Variants in VAV3 observed in about 807,000 individuals in gnomAD.
VAV3 encodes the protein vav guanine nucleotide exchange factor 3.
In VAV3, 94 loss-of-function variants were observed where a neutral mutation model predicts 131.2. The observed-to-expected ratio is 0.72, with a 90% CI of 0.61 to 0.85. VAV3 has a LOEUF of 0.85. Among genes scored for constraint, VAV3 ranks in the 40% least tolerant of loss-of-function variants. The pLI is 0.00. For missense variants in VAV3, 939 were observed against 1,002.7 expected, an observed-to-expected ratio of 0.94 and a Z score of 0.86; for synonymous variants, 349 against 342.0, an observed-to-expected ratio of 1.02 and a Z score of -0.22.
chr1:107,810,463 A>T (rs913117204), intron 2 of VAV3, among the ~76,000 whole-genome samples: 1 of 110,158 alleles, frequency 9.1e-6, no homozygotes, highest in African/African-American at 3.8e-5. Flanking sequence ...TACTCTATTT[A>T]TATCTATAAC....
At chr1:107,634,200 C>T (rs984234626) in intron 20 of VAV3, among the ~76,000 whole-genome samples, 5 of 152,280 alleles carry the variant, frequency 3.3e-5, no homozygotes, top group African/African-American at 1.2e-4. Context: ...CTGGAGGCAT[C>T]ATGCTACCTG....
chr1:107,672,104 C>T (rs932670162), intron 19 of VAV3: 1 of 151,704 alleles, frequency 6.6e-6, no homozygotes, highest in South Asian at 2.1e-4. Flanking sequence ...ACTGCCTCTA[C>T]TAAAAATACA....
intron 21 of VAV3, among the ~76,000 whole-genome samples, chr1:107,612,462 G>A (rs1388424887): frequency 6.6e-6 from 1 of 151,964 alleles, no homozygotes; most frequent in African/African-American, 2.4e-5. Flanking sequence ...TTTCTCTTTT[G>A]AGGTTTTCTG....
At chr1:107,917,620 T>C (rs1189437735) in intron 1 of VAV3, among the ~76,000 whole-genome samples, 1 of 152,132 alleles carries the variant, frequency 6.6e-6, no homozygotes, top group Non-Finnish European at 1.5e-5. Context: ...AAACATGCTA[T>C]GTTTGAAGTT....
At chr1:107,590,802 T>A (rs987658495) in intron 25 of VAV3, among the ~76,000 whole-genome samples, 1 of 152,162 alleles carries the variant, frequency 6.6e-6, no homozygotes, top group Non-Finnish European at 1.5e-5. Context: ...TATCCTTCTC[T>A]GCTGTCACTA....
rs138921838 is a variant in VAV3, at chr1:107,623,803, T to C, written c.1915-6171A>G. Among the ~76,000 whole-genome samples, 331 of 152,304 alleles carry C rather than the reference T, an allele frequency of 2.2e-3. 4 individuals carry two copies. The highest frequency in any genetic ancestry group is 4.3e-3 in the South Asian group (21 of 4,828). On this transcript the variant is annotated intron_variant, in intron 20 of 26. Transcript: ENST00000370056. ...CAAAAGGGGATATGATCCTTAACTT[T>C]TGTCCAATGTATAAACAGTGAAAGT...
At chr1:107,785,575 C>T in intron 2 of VAV3, 1 of 1,200,472 alleles carries the variant, frequency 8.3e-7, no homozygotes. Flanking sequence ...CATTAGGTTG[C>T]TATCTAGCAG....
At chr1:107,836,497 A>G (rs575437163) in intron 2 of VAV3, among the ~76,000 whole-genome samples, 100 of 152,226 alleles carry the variant, frequency 6.6e-4, no homozygotes, top group Non-Finnish European at 1.2e-3. Flanking sequence ...TTAACAATCT[A>G]ACACTGCACC....
chr1:107,949,900 T>C (rs1385601456), intron 1 of VAV3, among the ~76,000 whole-genome samples: 2 of 152,238 alleles, frequency 1.3e-5, no homozygotes, highest in Non-Finnish European at 2.9e-5. Flanking sequence ...AGAATTACTC[T>C]AGACCAACTT....
intron 15 of VAV3, 51 bp downstream of exon 15, chr1:107,748,917 A>T: frequency 7.7e-7 from 1 of 1,300,794 alleles, no homozygotes; most frequent in Non-Finnish European, 1.1e-6. Flanking sequence ...ATTATTCATA[A>T]GTGATTTAAC....
chr1:107,642,645 C>G lies in VAV3; in HGVS notation c.1888G>C (p.Gly630Arg), dbSNP rs1359864036. The G allele has an allele frequency of 1.2e-6, 2 of 1,613,112 alleles. No individual in the cohort carries two copies. The highest frequency in any genetic ancestry group is 1.7e-6 in the Non-Finnish European group (2 of 1,179,530). ...TGCCAAAACAGACTGTGTGCATCTCCTTTCAGAAGTTCAACGGTATCCCCG... is the reference window on the plus strand; with the variant it reads ...TGCCAAAACAGACTGTGTGCATCTCGTTTCAGAAGTTCAACGGTATCCCCG... ...QAGDTVELLK[G>R]DAHSLFWQGR... is the part of the protein sequence containing the mutation. The change falls in exon 20 of 27, where the codon GGA (glycine) becomes CGA (arginine). Residue 630 changes from glycine to arginine, a missense_variant. Gly to Arg is a moderately radical substitution (Grantham distance 125). Transcript: ENST00000370056.
At chr1:107,816,731 T>C (rs1433566112) in intron 2 of VAV3, among the ~76,000 whole-genome samples, 1 of 152,216 alleles carries the variant, frequency 6.6e-6, no homozygotes, top group Non-Finnish European at 1.5e-5. Flanking sequence ...ATATAAAATG[T>C]ACACAAAAGA....
rs1176825270 is a variant in VAV3, at chr1:107,964,877, G to A, written c.-8C>T. 9 of 1,525,936 alleles carry A rather than the reference G, an allele frequency of 5.9e-6. No individual in the cohort carries two copies. 94.5% of individuals were successfully genotyped at this position (1,525,936 alleles called of 1,614,324 possible). On this transcript the variant is annotated 5_prime_UTR_variant, in exon 1 of 27. Coordinates refer to ENST00000370056, the MANE Select transcript of VAV3 (RefSeq NM_006113.5). The stretch of plus-strand genomic sequence containing the variant: ...CTGCTTCCACGGCTCCATGCCCGAC[G>A]GCTCCGGGACGCGGCTGGGCCGGGG...
intron 1 of VAV3, among the ~76,000 whole-genome samples, chr1:107,902,521 C>T (rs976563569): frequency 5.3e-5 from 8 of 152,104 alleles, no homozygotes; most frequent in Admixed American, 2.6e-4. Flanking sequence ...ACCTAAGTAC[C>T]GCTAGATAGT....
At chr1:107,835,331 A>G (rs76698933) in intron 2 of VAV3, among the ~76,000 whole-genome samples, 21,547 of 152,142 alleles carry the variant, frequency 0.14, 1,690 homozygotes, top group East Asian at 0.23. Flanking sequence ...CAAGCAGCTA[A>G]AGGACAAAGC....
At chr1:107,641,238 A>G (rs1198088345) in intron 20 of VAV3, among the ~76,000 whole-genome samples, 1 of 152,220 alleles carries the variant, frequency 6.6e-6, no homozygotes, top group Non-Finnish European at 1.5e-5. Context: ...TTATATAACA[A>G]GATGACAGAC....
At chr1:107,940,288 T>C (rs561878871) in intron 1 of VAV3, among the ~76,000 whole-genome samples, 7 of 152,316 alleles carry the variant, frequency 4.6e-5, no homozygotes, top group Admixed American at 2.6e-4. Context: ...CAAAGAATTA[T>C]AAGGTCAGGC....
At chr1:107,575,651 C>T (rs1305365638) in intron 25 of VAV3, among the ~76,000 whole-genome samples, 1 of 152,130 alleles carries the variant, frequency 6.6e-6, no homozygotes, top group Non-Finnish European at 1.5e-5. Flanking sequence ...TGGAAAAACC[C>T]AATCATCAAC....
intron 18 of VAV3, among the ~76,000 whole-genome samples, chr1:107,688,094 G>A (rs1234434160): frequency 3.3e-5 from 5 of 152,166 alleles, no homozygotes; most frequent in East Asian, 1.9e-4. Context: ...AACTTCTGGC[G>A]ATAAGGGCCA....
Sources: gnomAD v4.1 joint callset for allele counts (sites outside exome capture counted in the v4.1 genomes callset) on GRCh38, gnomAD v4.1.1 for gene constraint, MANE v1.5 for transcripts, NCBI Gene and HGNC (gene_info 2026-07-23, HGNC 2026-07-21) for gene names.